Variants in SKAP2 observed in about 807,000 individuals in gnomAD.
SKAP2 encodes src kinase-associated phosphoprotein 2.
Under a neutral mutation model 54.9 loss-of-function variants are expected in SKAP2, and 28 were observed. That is an observed-to-expected ratio of 0.51 (90% CI 0.38 to 0.70). SKAP2 has a LOEUF of 0.70. Among genes scored for constraint, SKAP2 ranks in the 30% least tolerant of loss-of-function variants. The pLI is 0.00. For missense variants in SKAP2, 356 were observed against 424.1 expected, an observed-to-expected ratio of 0.84 and a Z score of 1.41; for synonymous variants, 137 against 134.3, an observed-to-expected ratio of 1.02 and a Z score of -0.14.
chr7:26,792,074 A>G (rs1442716159), intron 4 of SKAP2, among the ~76,000 whole-genome samples: 10 of 152,246 alleles, frequency 6.6e-5, no homozygotes, highest in Non-Finnish European at 1.2e-4. Context: ...CATGCTAAGT[A>G]TAAGAAGCCA....
intron 4 of SKAP2, among the ~76,000 whole-genome samples, chr7:26,753,012 T>C (rs1178363876): frequency 6.6e-6 from 1 of 152,244 alleles, no homozygotes; most frequent in Non-Finnish European, 1.5e-5. Flanking sequence ...GTTATCCATA[T>C]AACTGAGTAA....
In SKAP2 at chr7:26,864,546, T is replaced by C; in HGVS notation, c.-117A>G. ...CGGCCCGGATTAAGAACAGCGGGGC[T>C]ACGAGTCGGGACACTGCCGGGCCGG... On this transcript the variant is annotated 5_prime_UTR_variant, in exon 1 of 13. Coordinates refer to ENST00000345317, the MANE Select transcript of SKAP2 (RefSeq NM_003930.5). The C allele has an allele frequency of 6.9e-7, 1 of 1,456,316 alleles. No individual in the cohort carries two copies. Among genetic ancestry groups the C allele is most frequent in the Non-Finnish European group, 9.1e-7 (1 of 1,104,938 alleles). 90.2% of individuals were successfully genotyped at this position (1,456,316 alleles called of 1,614,324 possible). A position where few individuals can be genotyped will look rare whatever the true frequency, so the allele number is the denominator to read the frequency against.
intron 11 of SKAP2, among the ~76,000 whole-genome samples, chr7:26,679,699 A>G (rs541136784): frequency 4.6e-5 from 7 of 152,352 alleles, no homozygotes; most frequent in Non-Finnish European, 8.8e-5. Flanking sequence ...TAAGACAGCT[A>G]AAAAGTAACT....
chr7:26,713,592 T>C (rs1787356088), intron 9 of SKAP2, among the ~76,000 whole-genome samples: 2 of 150,766 alleles, frequency 1.3e-5, no homozygotes, highest in South Asian at 4.2e-4. Context: ...TGCTTATTTG[T>C]TCTTTTTTGT....
chr7:26,787,072 G>A (rs894953312), intron 4 of SKAP2, among the ~76,000 whole-genome samples: 23 of 152,142 alleles, frequency 1.5e-4, no homozygotes, highest in African/African-American at 5.3e-4. Context: ...ATGCACTCAA[G>A]ATCCAGCTAT....
chr7:26,826,111 C>T (rs1033075779), intron 4 of SKAP2, among the ~76,000 whole-genome samples: 6 of 101,970 alleles, frequency 5.9e-5, no homozygotes, highest in African/African-American at 1.0e-4. Context: ...CTAGCCAATT[C>T]GTGCAATACA....
chr7:26,765,548 CTA>C (rs1783033764), intron 4 of SKAP2, among the ~76,000 whole-genome samples: 1 of 152,150 alleles, frequency 6.6e-6, no homozygotes, highest in South Asian at 2.1e-4. Context: ...TTGCCCATGC[CTA>C]TGTCCTAAAT....
At chr7:26,684,295 C>T (rs1786580364) in intron 11 of SKAP2, among the ~76,000 whole-genome samples, 1 of 152,138 alleles carries the variant, frequency 6.6e-6, no homozygotes, top group African/African-American at 2.4e-5. Flanking sequence ...ATTGCCGGAA[C>T]ACCCAACATA....
At chr7:26,788,317 G>GA (rs1783600922) in intron 4 of SKAP2, among the ~76,000 whole-genome samples, 1 of 151,824 alleles carries the variant, frequency 6.6e-6, no homozygotes, top group Non-Finnish European at 1.5e-5. Context: ...CACTGGCTGT[G>GA]ATCTTAAGCC....
chr7:26,747,801 CCT>C (rs1439206152), intron 4 of SKAP2, among the ~76,000 whole-genome samples: 1 of 151,404 alleles, frequency 6.6e-6, no homozygotes, highest in Non-Finnish European at 1.5e-5. Context: ...CCTCCGCTCC[CCT>C]TTCTCCTCCC....
chr7:26,851,208 A>T (rs58941309), intron 3 of SKAP2, among the ~76,000 whole-genome samples: 11,454 of 149,984 alleles, frequency 0.076, 674 homozygotes, highest in East Asian at 0.3. Flanking sequence ...TCTTTAGCCC[A>T]GGAACTCGAG....
At chr7:26,681,019 T>C (rs1786480271) in intron 11 of SKAP2, among the ~76,000 whole-genome samples, 1 of 152,188 alleles carries the variant, frequency 6.6e-6, no homozygotes, top group South Asian at 2.1e-4. Flanking sequence ...ACAGCTAACA[T>C]TCCATCAAGG....
chr7:26,741,649 T>G (rs1782458689), intron 4 of SKAP2, among the ~76,000 whole-genome samples: 1 of 152,110 alleles, frequency 6.6e-6, no homozygotes, highest in Non-Finnish European at 1.5e-5. Context: ...ATGGTTGAGG[T>G]GATGGATACC....
At chr7:26,851,234 G>A (rs1055537113) in intron 3 of SKAP2, among the ~76,000 whole-genome samples, 3 of 144,090 alleles carry the variant, frequency 2.1e-5, no homozygotes, top group African/African-American at 5.2e-5. Context: ...TCTGTGACAC[G>A]TGGCGAAACC....
At chr7:26,852,941 A>T (rs1785077618) in intron 3 of SKAP2, among the ~76,000 whole-genome samples, 1 of 152,220 alleles carries the variant, frequency 6.6e-6, no homozygotes, top group Non-Finnish European at 1.5e-5. Context: ...TCATTTATAC[A>T]TTCGTCTAAA....
At chr7:26,709,905 A>G (rs1204679656) in intron 9 of SKAP2, among the ~76,000 whole-genome samples, 3 of 152,178 alleles carry the variant, frequency 2.0e-5, no homozygotes, top group African/African-American at 4.8e-5. Flanking sequence ...TCATCACTCA[A>G]TGTATTACAT....
At chr7:26,747,424 G>A (rs1782581510) in intron 4 of SKAP2, among the ~76,000 whole-genome samples, 1 of 152,084 alleles carries the variant, frequency 6.6e-6, no homozygotes, top group African/African-American at 2.4e-5. Flanking sequence ...AAAAAGCAGA[G>A]GTTACAACTC....
chr7:26,840,501 A>G (rs968817379), intron 4 of SKAP2, among the ~76,000 whole-genome samples: 1 of 152,132 alleles, frequency 6.6e-6, no homozygotes, highest in Non-Finnish European at 1.5e-5. Context: ...AGTCTACTCT[A>G]TATCTACCCA....
chr7:26,668,392 A>T lies in SKAP2; in HGVS notation c.*1274T>A, dbSNP rs1443810749. 6.6e-6 allele frequency: 1 copy of T among 152,228 alleles called. No individual in the cohort carries two copies. The highest frequency in any genetic ancestry group is 1.5e-5 in the Non-Finnish European group (1 of 68,040). 9.4% of individuals were successfully genotyped at this position (152,228 alleles called of 1,614,324 possible). A position where few individuals can be genotyped will look rare whatever the true frequency, so the allele number is the denominator to read the frequency against. On this transcript the variant is annotated 3_prime_UTR_variant, in exon 13 of 13. Transcript: ENST00000345317. The stretch of plus-strand genomic sequence containing the variant: ...TTCAAATATACATGAAAAGGTAATT[A>T]TATGATTCTACAAATCTTGCTCAGG...
Sources: gnomAD v4.1 joint callset for allele counts (sites outside exome capture counted in the v4.1 genomes callset) on GRCh38, gnomAD v4.1.1 for gene constraint, MANE v1.5 for transcripts, NCBI Gene and HGNC (gene_info 2026-07-23, HGNC 2026-07-21) for gene names.